Variants in CPEB3 observed in about 807,000 individuals in gnomAD.
The protein encoded by CPEB3 is cytoplasmic polyadenylation element-binding protein 3.
CPEB3 carries 20 observed loss-of-function variants against 67.2 expected under a neutral mutation model. That is an observed-to-expected ratio of 0.30 (90% CI 0.21 to 0.43). The LOEUF (loss-of-function observed/expected upper bound fraction) is 0.43. CPEB3 is among the 20% of genes least tolerant of loss of function. The pLI, the probability that CPEB3 is intolerant of heterozygous loss-of-function variation, is 1.00. For synonymous variants in CPEB3, 376 were observed against 393.1 expected, an observed-to-expected ratio of 0.96 and a Z score of 0.51; for missense variants, 746 against 968.6, an observed-to-expected ratio of 0.77 and a Z score of 3.05.
At chr10:92,074,098 T>C (rs530916065) in intron 9 of CPEB3, among the ~76,000 whole-genome samples, 2 of 151,908 alleles carry the variant, frequency 1.3e-5, no homozygotes, top group East Asian at 1.9e-4. Context: ...TTAACTATTT[T>C]TTTTTAATTA....
intron 2 of CPEB3, among the ~76,000 whole-genome samples, chr10:92,227,222 A>G (rs1851019074): frequency 6.6e-6 from 1 of 152,180 alleles, no homozygotes; most frequent in Admixed American, 6.5e-5. Flanking sequence ...CAGTTAGGTA[A>G]TATTCTCTGA....
In CPEB3 at chr10:92,289,732, A is replaced by ATATATATATATATATAT. The variant is rs1554944314; in HGVS notation, c.-12+1193_-12+1194insATATATATATATATATA. ...CGCGTCTCTACCAAAAAAAAAAAAA[A>ATATATATATATATATAT]ATATATATATATATATATATATATA... On this transcript the variant is annotated intron_variant, in intron 1 of 9. Transcript: ENST00000265997. 1.1e-4 allele frequency among the ~76,000 whole-genome samples: 8 copies of ATATATATATATATATAT among 75,762 alleles called. 2 individuals are homozygous for ATATATATATATATATAT. The highest frequency in any genetic ancestry group is 4.1e-4 in the African/African-American group (8 of 19,588). 49.7% of individuals were successfully genotyped at this position (75,762 alleles called of 152,430 possible).
chr10:92,243,956 C>CAAAT (rs1851952926), intron 1 of CPEB3, among the ~76,000 whole-genome samples: 1 of 152,036 alleles, frequency 6.6e-6, no homozygotes, highest in Admixed American at 6.6e-5. Flanking sequence ...TTTTACTTGT[C>CAAAT]AAAATAAAAG....
intron 6 of CPEB3, chr10:92,137,579 T>C: frequency 1.4e-6 from 1 of 717,354 alleles, no homozygotes; most frequent in East Asian, 2.5e-5. Flanking sequence ...GAGTTGACCC[T>C]GGAGGGGGTC....
At chr10:92,272,910 CA>C (rs1853366931) in intron 1 of CPEB3, among the ~76,000 whole-genome samples, 1 of 152,082 alleles carries the variant, frequency 6.6e-6, no homozygotes, top group Non-Finnish European at 1.5e-5. Context: ...GGCCAATTGC[CA>C]AATCAGTCGG....
intron 2 of CPEB3, among the ~76,000 whole-genome samples, chr10:92,234,105 CAAA>C (rs1266057741): frequency 2.4e-5 from 2 of 81,690 alleles, no homozygotes; most frequent in Non-Finnish European, 4.5e-5. Flanking sequence ...GACTTTGTCT[CAAA>C]AAAAAAAAAA....
intron 2 of CPEB3, among the ~76,000 whole-genome samples, chr10:92,210,246 A>G (rs974575962): frequency 4.6e-5 from 7 of 152,218 alleles, no homozygotes; most frequent in Admixed American, 1.3e-4. Context: ...TCATTTGAGA[A>G]ATGTGGATAA....
In CPEB3 at chr10:92,216,747, A is replaced by G. The variant is rs139526314; in HGVS notation, c.1005+22599T>C. 47 of 1,609,782 alleles carry G rather than the reference A, an allele frequency of 2.9e-5. 1 individual carries two copies. The highest frequency in any genetic ancestry group is 4.3e-4 in the Middle Eastern group (2 of 4,660). ...CCCCACGAGGAGTACCAGGAGGCTT[A>G]CGACGAGTGCCTGGAGGAGGTGCAG... On this transcript the variant is annotated intron_variant, in intron 2 of 9. Transcript: ENST00000265997.
chr10:92,182,448 A>G (rs772128450), intron 3 of CPEB3, among the ~76,000 whole-genome samples: 4 of 152,178 alleles, frequency 2.6e-5, no homozygotes, highest in Non-Finnish European at 5.9e-5. Context: ...TCCTAAGCAA[A>G]TGAAGTTTTT....
intron 4 of CPEB3, among the ~76,000 whole-genome samples, chr10:92,150,138 GA>G (rs1846890759): frequency 6.6e-6 from 1 of 152,154 alleles, no homozygotes; most frequent in Non-Finnish European, 1.5e-5. Flanking sequence ...AGCGCAGACC[GA>G]CAGGCGATAT....
chr10:92,145,553 C>T (rs1475921957), intron 4 of CPEB3, among the ~76,000 whole-genome samples: 8 of 151,440 alleles, frequency 5.3e-5, no homozygotes, highest in Admixed American at 5.3e-4. Context: ...CGCTTGAACC[C>T]GAACCCGGGA....
intron 2 of CPEB3, among the ~76,000 whole-genome samples, chr10:92,229,464 C>T (rs1358697769): frequency 6.6e-6 from 1 of 152,050 alleles, no homozygotes; most frequent in Admixed American, 6.6e-5. Flanking sequence ...AAATTAACTC[C>T]AAAAGAATGA....
At chr10:92,258,627 TATATATATATATATATA>T (rs1852633744) in intron 1 of CPEB3, among the ~76,000 whole-genome samples, 2 of 5,070 alleles carry the variant, frequency 3.9e-4, no homozygotes, top group Non-Finnish European at 5.7e-4. Context: ...ATTTTTTGAA[TATATATATATATATATA>T]TATATATATA....
intron 6 of CPEB3, among the ~76,000 whole-genome samples, chr10:92,128,947 A>G (rs1845718485): frequency 6.6e-6 from 1 of 152,200 alleles, no homozygotes; most frequent in African/African-American, 2.4e-5. Flanking sequence ...TTCCTCAAAG[A>G]CCTAAAAACA....
rs568949158 is a variant in CPEB3 at position 92,117,383 on chromosome 10, G to A, written c.1454-6189C>T. Among the ~76,000 whole-genome samples, 3 of 139,346 alleles carry A rather than the reference G, an allele frequency of 2.2e-5. No individual in the cohort carries two copies. The Admixed American group carries it at 2.3e-4, about 11-fold the overall frequency. The allele number at this position is 139,346 out of a possible 152,430, so 91.4% of individuals were successfully genotyped here. A position where few individuals can be genotyped will look rare whatever the true frequency, so the allele number is the denominator to read the frequency against. On this transcript the variant is annotated intron_variant, in intron 6 of 9. Coordinates refer to ENST00000265997, the MANE Select transcript of CPEB3 (RefSeq NM_014912.5). ...CTCGCTCTGTTGCCCATGCTGGAGT[G>A]CAGTGGTGTGATCTTGGCTCACTGC...
At chr10:92,111,639 G>A (rs1285099603) in intron 6 of CPEB3, among the ~76,000 whole-genome samples, 1 of 152,190 alleles carries the variant, frequency 6.6e-6, no homozygotes, top group Non-Finnish European at 1.5e-5. Context: ...AATCTATCAA[G>A]ACAAAAAATA....
intron 1 of CPEB3, among the ~76,000 whole-genome samples, chr10:92,264,791 C>T (rs1214625637): frequency 6.6e-6 from 1 of 151,752 alleles, no homozygotes; most frequent in Non-Finnish European, 1.5e-5. Context: ...ATGTTTCATA[C>T]CTGTAATCCC....
chr10:92,046,792 A>G lies in CPEB3; in HGVS notation c.*5420T>C, dbSNP rs1852130052. 1 of 152,254 alleles carries G rather than the reference A, an allele frequency of 6.6e-6. No homozygotes were observed. The highest frequency in any genetic ancestry group is 6.5e-5 in the Admixed American group (1 of 15,288). 9.4% of individuals were successfully genotyped at this position (152,254 alleles called of 1,614,324 possible). Reference sequence around the variant, plus strand: ...GTAAGCAGTAGCTGCATTGAGCTCCATGTTTAGTCACAGTACTGTAGTTCC... The same window carrying G: ...GTAAGCAGTAGCTGCATTGAGCTCCGTGTTTAGTCACAGTACTGTAGTTCC... On this transcript the variant is annotated 3_prime_UTR_variant, in exon 10 of 10. Transcript: ENST00000265997.
intron 8 of CPEB3, among the ~76,000 whole-genome samples, chr10:92,085,708 A>C (rs1843342060): frequency 1.3e-5 from 2 of 152,092 alleles, no homozygotes; most frequent in Non-Finnish European, 2.9e-5. Context: ...TCCAGGGTTC[A>C]AGCGATTCTC....
Sources: gnomAD v4.1 joint callset for allele counts (sites outside exome capture counted in the v4.1 genomes callset) on GRCh38, gnomAD v4.1.1 for gene constraint, MANE v1.5 for transcripts, NCBI Gene and HGNC (gene_info 2026-07-23, HGNC 2026-07-21) for gene names.